HECTD4: variants seen among roughly 807,000 people sequenced by gnomAD.
The protein encoded by HECTD4 is HECT domain E3 ubiquitin protein ligase 4.
Under a neutral mutation model 471.5 loss-of-function variants are expected in HECTD4, and 114 were observed. That is an observed-to-expected ratio of 0.24 (90% CI 0.21 to 0.28). HECTD4 has a LOEUF of 0.28. Ranked by LOEUF, HECTD4 falls within the 10% of genes least tolerant of loss-of-function variation. The probability of loss-of-function intolerance (pLI) is 1.00; values close to 1 mark genes in which losing one functional copy is unlikely to be tolerated. For missense variants in HECTD4, 3,866 were observed against 5,651.5 expected (o/e 0.68, Z 10.13); for synonymous variants, 2,012 against 2,256.0 (o/e 0.89, Z 3.07).
intron 1 of HECTD4, among the ~76,000 whole-genome samples, chr12:112,366,715 TACTAAA>T (rs937780049): frequency 2.0e-5 from 3 of 148,116 alleles, no homozygotes; most frequent in African/African-American, 7.5e-5. Flanking sequence ...ACCCCATCTC[TACTAAA>T]AATACAAAAA....
At position 112,288,267 on chromosome 12, in the gene HECTD4, G is replaced by A. The variant is rs375781252; in HGVS notation, c.1336-4965C>T. Among the ~76,000 whole-genome samples the A allele has an allele frequency of 1.1e-4, 16 of 150,488 alleles. No homozygotes were observed. The East Asian group carries it at 2.2e-3, about 20-fold the overall frequency. On this transcript the variant is annotated intron_variant, in intron 7 of 75. Coordinates refer to ENST00000682272, the MANE Select transcript of HECTD4 (RefSeq NM_001388303.1). Reference sequence around the variant, plus strand: ...CCAGGAGGCAGAGGTTGCAGTGAGCGGAGATCACACCTCTGCACTCCAGCC... The same window carrying A: ...CCAGGAGGCAGAGGTTGCAGTGAGCAGAGATCACACCTCTGCACTCCAGCC...
chr12:112,318,375 C>A (rs933552292), intron 2 of HECTD4, among the ~76,000 whole-genome samples: 1 of 151,740 alleles, frequency 6.6e-6, no homozygotes, highest in African/African-American at 2.4e-5. Context: ...GAACAGCATA[C>A]AATTTTTTTT....
Position 112,184,136 on chromosome 12 carries a change from G to T in HECTD4, c.10779+51C>A. 6.8e-7 allele frequency: 1 copy of T among 1,473,940 alleles called. No homozygotes were observed. The highest frequency in any genetic ancestry group is 9.3e-7 in the Non-Finnish European group (1 of 1,075,528). The allele number at this position is 1,473,940 out of a possible 1,614,324, so 91.3% of individuals were successfully genotyped here. On this transcript the variant is annotated intron_variant, in intron 61 of 75. Transcript: ENST00000682272. This position sits in a 1 kb window ranked among gnomAD's most constrained non-coding sequence, Gnocchi z 9.1. ...TTTGGAAGATTTAAAGAGGCTTGGG[G>T]GATTGAAATGGGTCATGATTTAGTG...
chr12:112,289,906 A>AC, intron 7 of HECTD4, among the ~76,000 whole-genome samples: 1 of 152,164 alleles, frequency 6.6e-6, no homozygotes, highest in South Asian at 2.1e-4. Context: ...CCAACTCCTG[A>AC]CCTCAGGTAA....
At chr12:112,192,528 G>A (rs1440303493) in intron 59 of HECTD4, 32 bp downstream of exon 59, 4 of 1,460,404 alleles carry the variant, frequency 2.7e-6, no homozygotes, top group Non-Finnish European at 3.7e-6. Flanking sequence ...GACTCCAGCT[G>A]TTCTCATCAT....
intron 17 of HECTD4, among the ~76,000 whole-genome samples, chr12:112,262,609 G>T (rs2034175188): frequency 2.5e-5 from 3 of 119,940 alleles, no homozygotes; most frequent in Admixed American, 1.6e-4. Context: ...AATTTTCTGG[G>T]GTCTTTATTA....
At chr12:112,260,145 G>C (rs945649184) in intron 18 of HECTD4, among the ~76,000 whole-genome samples, 5 of 152,022 alleles carry the variant, frequency 3.3e-5, no homozygotes, top group African/African-American at 1.2e-4. Context: ...CCAGCCCCCG[G>C]CAACCACCAT....
At position 112,270,212 on chromosome 12, in the gene HECTD4, A is replaced by G; in HGVS notation, c.2175+15T>C. ...TTTCTCTATCATCTTATTTATTTCA[A>G]AACAGTGTATTTACCTGAAAGACAA... On this transcript the variant is annotated intron_variant, in intron 12 of 75. Coordinates refer to ENST00000682272, the MANE Select transcript of HECTD4 (RefSeq NM_001388303.1). The G allele has an allele frequency of 6.3e-7, 1 of 1,599,034 alleles. No individual in the cohort carries two copies. Among genetic ancestry groups the G allele is most frequent in the Non-Finnish European group, 8.6e-7 (1 of 1,166,694 alleles).
rs2035249129 is a variant in HECTD4 at position 112,305,210 on chromosome 12, TA to T, written c.1335+853del. The stretch of plus-strand genomic sequence containing the variant: ...TATGCAACTCCAGTTTTAATTTTAT[TA>T]AATTTCAAGTGAAATTTAAATAGCA... On this transcript the variant is annotated intron_variant, in intron 7 of 75. Coordinates refer to ENST00000682272, the MANE Select transcript of HECTD4 (RefSeq NM_001388303.1). Among the ~76,000 whole-genome samples the T allele has an allele frequency of 3.3e-5, 5 of 152,212 alleles. No homozygotes were observed. The South Asian group carries it at 1.0e-3, about 32-fold the overall frequency.
intron 54 of HECTD4, among the ~76,000 whole-genome samples, chr12:112,201,891 A>G (rs2032440141): frequency 6.6e-6 from 1 of 152,232 alleles, no homozygotes; most frequent in Non-Finnish European, 1.5e-5. Context: ...TTTGGATGCA[A>G]ATACCAATGC....
In HECTD4 at chr12:112,283,033, C is replaced by T. The variant is rs1275646744; in HGVS notation, c.1528+77G>A. 4.8e-5 allele frequency: 58 copies of T among 1,196,684 alleles called. No individual in the cohort carries two copies. In the South Asian group the frequency reaches 7.3e-4, roughly 15 times the overall value. 74.1% of individuals were successfully genotyped at this position (1,196,684 alleles called of 1,614,324 possible). A position where few individuals can be genotyped will look rare whatever the true frequency, so the allele number is the denominator to read the frequency against. On this transcript the variant is annotated intron_variant, in intron 8 of 75. Transcript: ENST00000682272. ...GCAAAGGAAAGGGCTTTGTACAGCA[C>T]GGACGAAGTGCTCAATAAGACGTAG... is the stretch of plus-strand genomic sequence containing the variant.
At chr12:112,360,821 T>C (rs894026877) in intron 1 of HECTD4, among the ~76,000 whole-genome samples, 4 of 151,902 alleles carry the variant, frequency 2.6e-5, no homozygotes, top group African/African-American at 9.7e-5. Context: ...CCATCTCTAC[T>C]AAAAATATAA....
rs546634713 is a variant in HECTD4, at chr12:112,192,271, T to C, written c.9292+289A>G. Among the ~76,000 whole-genome samples, 12 of 152,324 alleles carry C rather than the reference T, an allele frequency of 7.9e-5. No individual in the cohort carries two copies. In the East Asian group the frequency reaches 2.3e-3, roughly 29 times the overall value. ...AGCTGTAAGGATGTGATTGCTCTGG[T>C]TGTATCATTCTAAACAGACACATCT... On this transcript the variant is annotated intron_variant, in intron 59 of 75. Coordinates refer to ENST00000682272, the MANE Select transcript of HECTD4 (RefSeq NM_001388303.1).
intron 52 of HECTD4, among the ~76,000 whole-genome samples, chr12:112,206,560 G>T (rs1402291716): frequency 5.1e-5 from 7 of 138,170 alleles, no homozygotes; most frequent in African/African-American, 1.9e-4. Context: ...TTTTTGAGAC[G>T]GAGTCTGGCT....
rs1436067767 is a variant in HECTD4, at chr12:112,228,943, A to G, written c.6520-132T>C. 2 of 836,390 alleles carry G rather than the reference A, an allele frequency of 2.4e-6. No individual in the cohort carries two copies. The highest frequency in any genetic ancestry group is 1.9e-6 in the Non-Finnish European group (1 of 519,002). The allele number at this position is 836,390 out of a possible 1,614,324, so 51.8% of individuals were successfully genotyped here. Reference sequence around the variant, plus strand: ...CAGTAATAGTTTATACTACTAGGGTAGCAGATACCAAGCCCTAGACATGAC... The same window carrying G: ...CAGTAATAGTTTATACTACTAGGGTGGCAGATACCAAGCCCTAGACATGAC... On this transcript the variant is annotated intron_variant, in intron 41 of 75. Transcript: ENST00000682272. The surrounding 1 kb of genome is among the most constrained non-coding windows in gnomAD (Gnocchi z 4.9).
intron 41 of HECTD4, among the ~76,000 whole-genome samples, chr12:112,229,234 G>C (rs972017852): frequency 2.0e-5 from 3 of 152,144 alleles, no homozygotes; most frequent in African/African-American, 4.8e-5. Context: ...GGCTGAGGCA[G>C]GAGAATCATT....
intron 35 of HECTD4, among the ~76,000 whole-genome samples, chr12:112,236,161 C>G (rs1171859545): frequency 2.0e-5 from 3 of 152,120 alleles, no homozygotes; most frequent in East Asian, 1.9e-4. Flanking sequence ...TACACAGGAG[C>G]CTTCAGAGTG....
At position 112,356,692 on chromosome 12, in the gene HECTD4, C is replaced by T. The variant is rs138279101; in HGVS notation, c.177+25260G>A. The stretch of plus-strand genomic sequence containing the variant: ...GGCTCAAGTGATCCTCCCACCTCGG[C>T]CTCCCAAAGTGCTGGGAGGCATGAG... On this transcript the variant is annotated intron_variant, in intron 1 of 75. Coordinates refer to ENST00000682272, the MANE Select transcript of HECTD4 (RefSeq NM_001388303.1). 5.9e-3 allele frequency among the ~76,000 whole-genome samples: 895 copies of T among 152,274 alleles called. 11 individuals carry two copies. Among genetic ancestry groups the T allele is most frequent in the African/African-American group, 0.02 (843 of 41,560 alleles).
intron 1 of HECTD4, among the ~76,000 whole-genome samples, chr12:112,342,489 A>T (rs2036070987): frequency 1.3e-5 from 2 of 152,268 alleles, no homozygotes; most frequent in African/African-American, 4.8e-5. Flanking sequence ...AAAAACAATA[A>T]GAAATGTAAT....
Sources: allele counts gnomAD v4.1 joint callset (sites outside exome capture counted in the v4.1 genomes callset), GRCh38; gene constraint gnomAD v4.1.1; non-coding constraint Gnocchi (gnomAD v3.1); transcripts MANE v1.5; gene names NCBI Gene and HGNC (gene_info 2026-07-23, HGNC 2026-07-21).